The following SPCS1 variants were observed in gnomAD, a reference collection of about 807,000 sequenced individuals.
SPCS1 encodes the protein SPase 12 kDa subunit.
A neutral mutation model predicts 16.4 loss-of-function variants in SPCS1; 10 were observed. The observed-to-expected ratio is 0.61, with a 90% CI of 0.38 to 1.03. The LOEUF (loss-of-function observed/expected upper bound fraction) is 1.03, where lower values mean the gene tolerates loss of function less well. Among genes scored for constraint, SPCS1 ranks in the 50% least tolerant of loss-of-function variants. The pLI, the probability that SPCS1 is intolerant of heterozygous loss-of-function variation, is 0.01. For missense variants in SPCS1, 118 were observed against 123.8 expected (o/e 0.95, Z 0.22); for synonymous variants, 47 against 42.5 (o/e 1.10, Z -0.41).
At chr3:52,706,745 T>TC in intron 2 of SPCS1, 42 bp downstream of exon 2, 1 of 1,608,556 alleles carries the variant, frequency 6.2e-7, no homozygotes, top group Non-Finnish European at 8.5e-7. Flanking sequence ...CCCGCCTCCC[T>TC]CCCAACCCTC....
rs2097348119 is a variant in SPCS1 at position 52,709,400 on chromosome 3, G to GTAA, written c.*1590_*1592dup. The GTAA allele has an allele frequency of 6.6e-6, 1 of 151,950 alleles. No homozygotes were observed. The highest frequency in any genetic ancestry group is 1.9e-4 in the East Asian group (1 of 5,198). 9.4% of individuals were successfully genotyped at this position (151,950 alleles called of 1,614,324 possible). On this transcript the variant is annotated 3_prime_UTR_variant, in exon 4 of 4. Coordinates refer to ENST00000619898, the MANE Select transcript of SPCS1 (RefSeq NM_014041.5). The stretch of plus-strand genomic sequence containing the variant: ...AAACAAAATAAAAATATACAGTATG[G>GTAA]TAATTAATAAGAAAGTATGGGGGAA...
In SPCS1 at chr3:52,706,702, CAGTA is replaced by C; in HGVS notation, c.96+4_96+7del. 2 of 1,613,612 alleles carry C rather than the reference CAGTA, an allele frequency of 1.2e-6. No individual in the cohort carries two copies. Among genetic ancestry groups the C allele is most frequent in the Non-Finnish European group, 1.7e-6 (2 of 1,179,592 alleles). Reference sequence around the variant, plus strand: ...TTTCAGGGAATTATTCTTTTTTCTGCAGTAAGTATTGGTTTTACATTTAATCTCC... The same window carrying C: ...TTTCAGGGAATTATTCTTTTTTCTGCAGTATTGGTTTTACATTTAATCTCC... On this transcript the variant is annotated splice_donor_variant and splice_donor_region_variant and coding_sequence_variant and intron_variant, in exon 2 of 4. Transcript: ENST00000619898. LOFTEE classifies it high-confidence loss of function.
rs535887135 is a variant in SPCS1 at position 52,706,156 on chromosome 3, C to G, written c.-91C>G. 1 of 1,543,544 alleles carries G rather than the reference C, an allele frequency of 6.5e-7. No homozygotes were observed. Among genetic ancestry groups the G allele is most frequent in the African/African-American group, 1.4e-5 (1 of 73,122 alleles). Reference sequence around the variant, plus strand: ...AAGGCCCGGCTACTGACGCGCAGTGCCAGACCTTACCCCTCACGGTCCTTA... The same window carrying G: ...AAGGCCCGGCTACTGACGCGCAGTGGCAGACCTTACCCCTCACGGTCCTTA... On this transcript the variant is annotated 5_prime_UTR_variant, in exon 1 of 4. Transcript: ENST00000619898.
In SPCS1 at chr3:52,708,493, T is replaced by C. The variant is rs147659930; in HGVS notation, c.*681T>C. The C allele has an allele frequency of 3.3e-5, 5 of 152,350 alleles. No individual in the cohort carries two copies. Among genetic ancestry groups the C allele is most frequent in the Non-Finnish European group, 5.9e-5 (4 of 68,026 alleles). The allele number at this position is 152,350 out of a possible 1,614,324, so 9.4% of individuals were successfully genotyped here. On this transcript the variant is annotated 3_prime_UTR_variant, in exon 4 of 4. Transcript: ENST00000619898. ...TGAATGAGAACTGCATTGTACAATATGGTGCCACTAGACACGTCTATTTAA... is the reference window on the plus strand; with the variant it reads ...TGAATGAGAACTGCATTGTACAATACGGTGCCACTAGACACGTCTATTTAA...
At chr3:52,706,960 C>A in intron 3 of SPCS1, 81 bp downstream of exon 3, 1 of 945,632 alleles carries the variant, frequency 1.1e-6, no homozygotes, top group South Asian at 1.3e-5. Flanking sequence ...GTAGTGAGAC[C>A]CAAAGCCAAC....
In SPCS1 at chr3:52,711,102, A is replaced by T. The variant is rs1306410060; in HGVS notation, c.*3290A>T. 1 of 152,666 alleles carries T rather than the reference A, an allele frequency of 6.6e-6. No homozygotes were observed. The highest frequency in any genetic ancestry group is 1.5e-5 in the Non-Finnish European group (1 of 68,036). The allele number at this position is 152,666 out of a possible 1,614,324, so 9.5% of individuals were successfully genotyped here. A position where few individuals can be genotyped will look rare whatever the true frequency, so the allele number is the denominator to read the frequency against. On this transcript the variant is annotated 3_prime_UTR_variant, in exon 4 of 4. Coordinates refer to ENST00000619898, the MANE Select transcript of SPCS1 (RefSeq NM_014041.5). ...AAATGTTTTCACTGATGGAAAAATA[A>T]ATCTAACAAAACCATTATGTAAAAA...
In SPCS1 at chr3:52,706,217, G is replaced by A. The variant is rs1048582665; in HGVS notation, c.-30G>A. 6.3e-7 allele frequency: 1 copy of A among 1,577,706 alleles called. No homozygotes were observed. Among genetic ancestry groups the A allele is most frequent in the Non-Finnish European group, 8.6e-7 (1 of 1,169,354 alleles). ...GCCCTCGCCTCGCAGCCTGCCACCC[G>A]CGCTCAGCTGCCCGCCTCCTCAGCC... is the stretch of plus-strand genomic sequence containing the variant. On this transcript the variant is annotated 5_prime_UTR_variant, in exon 1 of 4. Transcript: ENST00000619898.
rs2097346588 is a variant in SPCS1 at position 52,708,325 on chromosome 3, G to A, written c.*513G>A. 3 of 153,500 alleles carry A rather than the reference G, an allele frequency of 2.0e-5. No individual in the cohort carries two copies. In the South Asian group the frequency reaches 6.1e-4, roughly 31 times the overall value. 9.5% of individuals were successfully genotyped at this position (153,500 alleles called of 1,614,324 possible). A position where few individuals can be genotyped will look rare whatever the true frequency, so the allele number is the denominator to read the frequency against. ...AGGCAGGAGGATGACTTGAGCCCAG[G>A]AGTTTGAGACATTTCATGGTATGTA... On this transcript the variant is annotated 3_prime_UTR_variant, in exon 4 of 4. Transcript: ENST00000619898.
chr3:52,709,464 T>G lies in SPCS1; in HGVS notation c.*1652T>G, dbSNP rs985962607. On this transcript the variant is annotated 3_prime_UTR_variant, in exon 4 of 4. Transcript: ENST00000619898. ...GTTCATGCCTATAATCCCAGCACTT[T>G]CAGAGGCCGATGCAGGAGGACTGCT... The G allele has an allele frequency of 6.6e-6, 1 of 151,572 alleles. No individual in the cohort carries two copies. The highest frequency in any genetic ancestry group is 2.4e-5 in the African/African-American group (1 of 41,220). 9.4% of individuals were successfully genotyped at this position (151,572 alleles called of 1,614,324 possible).
rs978355980 is a variant in SPCS1 at position 52,707,903 on chromosome 3, C to T, written c.*91C>T. ...ATAAGAGCTAAAACCACCTAATGCT[C>T]TTATGGCACAGCTGTGTATAGATTT... is the stretch of plus-strand genomic sequence containing the variant. On this transcript the variant is annotated 3_prime_UTR_variant, in exon 4 of 4. Coordinates refer to ENST00000619898, the MANE Select transcript of SPCS1 (RefSeq NM_014041.5). The T allele has an allele frequency of 2.7e-6, 4 of 1,474,212 alleles. No homozygotes were observed. Among genetic ancestry groups the T allele is most frequent in the African/African-American group, 2.8e-5 (2 of 71,712 alleles). The allele number at this position is 1,474,212 out of a possible 1,614,324, so 91.3% of individuals were successfully genotyped here.
intron 1 of SPCS1, 170 bp from the exon 2 acceptor site, chr3:52,706,474 G>A (rs746449326): frequency 4.1e-5 from 34 of 826,106 alleles, no homozygotes; most frequent in Admixed American, 2.6e-4. Context: ...CTCCGTGAGG[G>A]TGTTTCAGTT....
At chr3:52,707,212 C>A in intron 3 of SPCS1, 1 of 236,366 alleles carries the variant, frequency 4.2e-6, no homozygotes, top group South Asian at 5.8e-5. Context: ...TCTTGTTGCC[C>A]AGGCTGCAGT....
At position 52,706,988 on chromosome 3, in the gene SPCS1, A is replaced by T. The variant is rs2097345282; in HGVS notation, c.183+109A>T. On this transcript the variant is annotated intron_variant, in intron 3 of 3. Coordinates refer to ENST00000619898, the MANE Select transcript of SPCS1 (RefSeq NM_014041.5). ...AAGCCAACGTTTCCCTCATCCTTCC[A>T]AACAGCGTTTCCCTTTGCTATCATT... 11 of 804,646 alleles carry T rather than the reference A, an allele frequency of 1.4e-5. No individual in the cohort carries two copies. The South Asian group carries it at 1.6e-4, about 11-fold the overall frequency. The allele number at this position is 804,646 out of a possible 1,614,324, so 49.8% of individuals were successfully genotyped here.
At position 52,710,612 on chromosome 3, in the gene SPCS1, A is replaced by C. The variant is rs2154101547; in HGVS notation, c.*2800A>C. On this transcript the variant is annotated 3_prime_UTR_variant, in exon 4 of 4. Coordinates refer to ENST00000619898, the MANE Select transcript of SPCS1 (RefSeq NM_014041.5). ...CCCTGTCTCTACAAAAAATACAAAA[A>C]CTAGCCAGGTGTGGTGGCACACGCC... 6.6e-6 allele frequency: 1 copy of C among 152,102 alleles called. No homozygotes were observed. Among genetic ancestry groups the C allele is most frequent in the East Asian group, 1.9e-4 (1 of 5,166 alleles). 9.4% of individuals were successfully genotyped at this position (152,102 alleles called of 1,614,324 possible).
chr3:52,707,670 C>T lies in SPCS1; in HGVS notation c.184-17C>T, dbSNP rs755685788. Reference sequence around the variant, plus strand: ...TTTAATAGCTATAATTTATGCATTTCCTCTTTTCTGGCCCAGCTGACACTT... The same window carrying T: ...TTTAATAGCTATAATTTATGCATTTTCTCTTTTCTGGCCCAGCTGACACTT... On this transcript the variant is annotated splice_polypyrimidine_tract_variant and intron_variant, in intron 3 of 3. Coordinates refer to ENST00000619898, the MANE Select transcript of SPCS1 (RefSeq NM_014041.5). 1 of 1,607,934 alleles carries T rather than the reference C, an allele frequency of 6.2e-7. No homozygotes were observed. Among genetic ancestry groups the T allele is most frequent in the Non-Finnish European group, 8.5e-7 (1 of 1,177,658 alleles).
rs972962048 is a variant in SPCS1, at chr3:52,710,697, G to A, written c.*2885G>A. 6.6e-5 allele frequency: 10 copies of A among 152,110 alleles called. No homozygotes were observed. The highest frequency in any genetic ancestry group is 2.4e-4 in the African/African-American group (10 of 41,428). 9.4% of individuals were successfully genotyped at this position (152,110 alleles called of 1,614,324 possible). ...ATACCACTTGAGCCCCAGAAGTGGAGGTTGCAGTGAGTTGAGATCATGCCA... is the reference window on the plus strand; with the variant it reads ...ATACCACTTGAGCCCCAGAAGTGGAAGTTGCAGTGAGTTGAGATCATGCCA... On this transcript the variant is annotated 3_prime_UTR_variant, in exon 4 of 4. Coordinates refer to ENST00000619898, the MANE Select transcript of SPCS1 (RefSeq NM_014041.5).
At chr3:52,706,485 C>T in intron 1 of SPCS1, 159 bp from the exon 2 acceptor site, 1 of 843,870 alleles carries the variant, frequency 1.2e-6, no homozygotes, top group Non-Finnish European at 1.8e-6. Flanking sequence ...TGTTTCAGTT[C>T]CTCCCGGGAA....
In SPCS1 at chr3:52,710,258, G is replaced by T. The variant is rs1199968052; in HGVS notation, c.*2446G>T. 6.6e-6 allele frequency: 1 copy of T among 151,978 alleles called. No individual in the cohort carries two copies. The highest frequency in any genetic ancestry group is 1.5e-5 in the Non-Finnish European group (1 of 68,014). The allele number at this position is 151,978 out of a possible 1,614,324, so 9.4% of individuals were successfully genotyped here. ...CGGGCAACTGTAGTCCCAGCTACTC[G>T]AGAGGATGAGGTAGGAGAATGGAGT... On this transcript the variant is annotated 3_prime_UTR_variant, in exon 4 of 4. Transcript: ENST00000619898.
intron 2 of SPCS1, 29 bp downstream of exon 2, chr3:52,706,732 G>T (rs750664518): frequency 8.7e-6 from 14 of 1,609,182 alleles, no homozygotes; most frequent in African/African-American, 1.3e-5. Context: ...TTTAATCTCC[G>T]CCCCCGCCTC....
Sources: gnomAD v4.1 joint callset for allele counts on GRCh38, gnomAD v4.1.1 for gene constraint, MANE v1.5 for transcripts, NCBI Gene and HGNC (gene_info 2026-07-23, HGNC 2026-07-21) for gene names.